DPH6: variants seen among roughly 807,000 people sequenced by gnomAD.
The protein encoded by DPH6 is diphthamine biosynthesis 6.
Under a neutral mutation model 38.2 loss-of-function variants are expected in DPH6, and 33 were observed. That is an observed-to-expected ratio of 0.86 (90% confidence interval 0.65 to 1.15). The LOEUF is 1.15. Among genes scored for constraint, DPH6 ranks in the 50% most tolerant of loss-of-function variants. The probability of loss-of-function intolerance (pLI) is 0.00; values close to 1 mark genes in which losing one functional copy is unlikely to be tolerated. For synonymous variants in DPH6, 108 were observed against 103.0 expected, an observed-to-expected ratio of 1.05 and a Z score of -0.30; for missense variants, 325 against 320.0, an observed-to-expected ratio of 1.02 and a Z score of -0.12.
intron 8 of DPH6, among the ~76,000 whole-genome samples, chr15:35,373,282 C>T (rs1006519117): frequency 1.3e-5 from 2 of 151,610 alleles, no homozygotes; most frequent in African/African-American, 4.8e-5. Flanking sequence ...TATACTATTC[C>T]CTTTTTAACT....
chr15:35,449,298 C>G (rs1291014931), intron 5 of DPH6, among the ~76,000 whole-genome samples: 1 of 151,768 alleles, frequency 6.6e-6, no homozygotes, highest in Non-Finnish European at 1.5e-5. Context: ...TACATTTTAC[C>G]CAAAGGCTTG....
At chr15:35,350,191 T>C (rs769750366) in intron 3 of DPH6, among the ~76,000 whole-genome samples, 1 of 152,160 alleles carries the variant, frequency 6.6e-6, no homozygotes, top group African/African-American at 2.4e-5. Context: ...CCTAGGAATT[T>C]ATCCATTGCT....
At chr15:35,542,224 T>C (rs1221699845) in intron 2 of DPH6, among the ~76,000 whole-genome samples, 189 bp downstream of exon 2, 2 of 152,150 alleles carry the variant, frequency 1.3e-5, no homozygotes, top group African/African-American at 4.8e-5. Context: ...CTATAGAAGT[T>C]GGTTATGAGA....
At chr15:35,212,072 T>C in the DPH6 span, among the ~76,000 whole-genome samples, 15 of 152,218 alleles carry the variant, frequency 9.9e-5, no homozygotes, top group African/African-American at 3.6e-4. Flanking sequence ...TTTTGAAATA[T>C]GGACGAAGAT....
intron 5 of DPH6, among the ~76,000 whole-genome samples, chr15:35,427,604 T>A (rs1463741361): frequency 2.6e-5 from 4 of 151,846 alleles, no homozygotes; most frequent in Non-Finnish European, 5.9e-5. Context: ...TAAGGTCAAA[T>A]TGCCCACTGA....
At chr15:35,438,649 T>C (rs2053747292) in intron 5 of DPH6, among the ~76,000 whole-genome samples, 1 of 152,128 alleles carries the variant, frequency 6.6e-6, no homozygotes, top group African/African-American at 2.4e-5. Flanking sequence ...TGGTTATATA[T>C]ATGTTGTGTG....
At chr15:35,543,308 G>A (rs2055294137) in intron 1 of DPH6, among the ~76,000 whole-genome samples, 1 of 115,566 alleles carries the variant, frequency 8.7e-6, no homozygotes, top group African/African-American at 3.5e-5. Flanking sequence ...ATATATGATG[G>A]CAGCAGAACT....
intron 3 of DPH6, among the ~76,000 whole-genome samples, chr15:35,295,488 T>C (rs2052008633): frequency 6.6e-6 from 1 of 152,222 alleles, no homozygotes; most frequent in Non-Finnish European, 1.5e-5. Flanking sequence ...CTCCAGTCTC[T>C]TAGAAGTACA....
the DPH6 span, among the ~76,000 whole-genome samples, chr15:35,162,603 G>A: frequency 6.6e-6 from 1 of 151,806 alleles, no homozygotes; most frequent in African/African-American, 2.4e-5. Flanking sequence ...ATCTAAAATA[G>A]TGACTAACTT....
At chr15:35,222,654 A>T (rs981774328) in intron 3 of DPH6, among the ~76,000 whole-genome samples, 2 of 152,140 alleles carry the variant, frequency 1.3e-5, no homozygotes, top group Admixed American at 6.5e-5. Context: ...AAAGTCACTT[A>T]TGTCTTAGTC....
chr15:35,301,279 C>T (rs2052052974), intron 3 of DPH6, among the ~76,000 whole-genome samples: 1 of 152,168 alleles, frequency 6.6e-6, no homozygotes, highest in South Asian at 2.1e-4. Flanking sequence ...TTGATAATTA[C>T]AGGAAAACAC....
At chr15:35,226,836 A>T (rs774230682) in intron 3 of DPH6, among the ~76,000 whole-genome samples, 3 of 152,232 alleles carry the variant, frequency 2.0e-5, no homozygotes, top group Non-Finnish European at 4.4e-5. Flanking sequence ...ATACTGGCTC[A>T]TAGAATGAGT....
intron 3 of DPH6, among the ~76,000 whole-genome samples, chr15:35,351,972 G>A (rs1337406856): frequency 1.3e-5 from 2 of 151,886 alleles, no homozygotes; most frequent in Non-Finnish European, 2.9e-5. Flanking sequence ...CTCCCATCTC[G>A]GCCTCCCAAA....
At chr15:35,225,340 G>A (rs1180768908) in intron 3 of DPH6, among the ~76,000 whole-genome samples, 1 of 152,148 alleles carries the variant, frequency 6.6e-6, no homozygotes, top group Non-Finnish European at 1.5e-5. Flanking sequence ...TATCAGATTT[G>A]TTTACTATAA....
chr15:35,437,273 C>A (rs1299245742), intron 5 of DPH6, among the ~76,000 whole-genome samples: 1 of 152,110 alleles, frequency 6.6e-6, no homozygotes, highest in Non-Finnish European at 1.5e-5. Context: ...TTTGAATGCA[C>A]CCTGAGTCCT....
intron 3 of DPH6, among the ~76,000 whole-genome samples, chr15:35,527,693 T>C (rs902834214): frequency 6.6e-6 from 1 of 152,114 alleles, no homozygotes. Context: ...CGCAGCACTA[T>C]TCAGGAAAGG....
At chr15:35,463,933 A>G (rs1407027778) in intron 3 of DPH6, among the ~76,000 whole-genome samples, 2 of 152,210 alleles carry the variant, frequency 1.3e-5, no homozygotes, top group Non-Finnish European at 2.9e-5. Context: ...ATTAGAAAAC[A>G]GCACAGTCGA....
intron 3 of DPH6, among the ~76,000 whole-genome samples, chr15:35,518,059 T>A (rs962790421): frequency 6.6e-6 from 1 of 152,052 alleles, no homozygotes; most frequent in Non-Finnish European, 1.5e-5. Context: ...GCATGAGGTG[T>A]TTGAAATCAG....
intron 3 of DPH6, among the ~76,000 whole-genome samples, chr15:35,491,829 A>G (rs368057605): frequency 6.6e-6 from 1 of 150,618 alleles, no homozygotes; most frequent in Non-Finnish European, 1.5e-5. Context: ...ATGTATCTAT[A>G]TATCTTATAT....
Sources: gnomAD v4.1 joint callset for allele counts (sites outside exome capture counted in the v4.1 genomes callset) on GRCh38, gnomAD v4.1.1 for gene constraint, MANE v1.5 for transcripts, NCBI Gene and HGNC (gene_info 2026-07-23, HGNC 2026-07-21) for gene names.